NFE2L1: variants seen among roughly 807,000 people sequenced by gnomAD.
NFE2L1 encodes the protein endoplasmic reticulum membrane sensor NFE2L1.
A neutral mutation model predicts 61.6 loss-of-function variants in NFE2L1; 18 were observed. That is an observed-to-expected ratio of 0.29 (90% confidence interval 0.20 to 0.43). The LOEUF (loss-of-function observed/expected upper bound fraction) is 0.43. NFE2L1 is among the 20% of genes least tolerant of loss of function. The probability of loss-of-function intolerance (pLI) is 1.00; values close to 1 mark genes in which losing one functional copy is unlikely to be tolerated. For missense variants in NFE2L1, 827 were observed against 973.5 expected, an observed-to-expected ratio of 0.85 and a Z score of 2.00; for synonymous variants, 419 against 402.7, an observed-to-expected ratio of 1.04 and a Z score of -0.48.
At position 48,051,355 on chromosome 17, in the gene NFE2L1, T is replaced by C; in HGVS notation, c.237T>C (p.Thr79=). The C allele has an allele frequency of 6.2e-7, 1 of 1,614,108 alleles. No homozygotes were observed. Residue 79 remains threonine, a synonymous_variant, in exon 2 of 6, where the codon ACT becomes ACC. Transcript: ENST00000362042. The part of the protein sequence containing the change: ...PKSIDLDNYF[T]ARRLLSQVRA... ...GCATAGACCTGGACAATTACTTCAC[T>C]GCCCGGCGGCTCCTCAGTCAGGTGA... is the stretch of plus-strand genomic sequence containing the variant.
In NFE2L1 at chr17:48,057,430, T is replaced by C. The variant is rs2037431475; in HGVS notation, c.900T>C (p.Leu300=). 2.5e-6 allele frequency: 4 copies of C among 1,614,100 alleles called. No individual in the cohort carries two copies. Among genetic ancestry groups the C allele is most frequent in the Non-Finnish European group, 3.4e-6 (4 of 1,180,046 alleles). The part of the protein sequence containing the change: ...PALQNNLLSP[L]LTGTESPFDL... ...TTCAAAACAACCTCTTGTCTCCTCT[T>C]CTGACCGGGACAGAGTCACCATTTG... The change falls in exon 5 of 6, where the codon CTT becomes CTC. Residue 300 remains leucine, a synonymous_variant. Transcript: ENST00000362042.
intron 2 of NFE2L1, chr17:48,056,170 G>T: frequency 1.6e-6 from 1 of 634,550 alleles, no homozygotes; most frequent in Non-Finnish European, 2.8e-6. Context: ...GGTTTTGCTA[G>T]TGGCTCTTTT....
In NFE2L1 at chr17:48,058,923, A is replaced by G; in HGVS notation, c.1601A>G (p.Asp534Gly). The change falls in exon 6 of 6, where the codon GAT becomes GGT. Residue 534 changes from aspartate (D) to glycine (G), a missense_variant. Around this residue, in one of 3 missense-constraint regions of NFE2L1, gnomAD observed 667 missense variants for 748.4 expected, o/e 0.89. Coordinates refer to ENST00000362042, the MANE Select transcript of NFE2L1 (RefSeq NM_003204.3). ...VGYSSDSETLDLEEAEGAVGY... is the reference protein window; with the variant it reads ...VGYSSDSETLGLEEAEGAVGY... ...TACAGCTCTGACTCTGAGACCCTGG[A>G]TCTGGAAGAGGCCGAGGGTGCTGTG... 1 of 1,613,902 alleles carries G rather than the reference A, an allele frequency of 6.2e-7. No individual in the cohort carries two copies. Among genetic ancestry groups the G allele is most frequent in the Non-Finnish European group, 8.5e-7 (1 of 1,180,022 alleles).
At chr17:48,056,321 T>C in intron 2 of NFE2L1, 65 bp from the exon 3 acceptor site, 1 of 1,595,512 alleles carries the variant, frequency 6.3e-7, no homozygotes, top group South Asian at 1.1e-5. Context: ...GAGGGAACTC[T>C]GAGGGGCAGG....
chr17:48,057,756 C>T (rs2037440019), intron 5 of NFE2L1, among the ~76,000 whole-genome samples: 1 of 152,204 alleles, frequency 6.6e-6, no homozygotes, highest in Non-Finnish European at 1.5e-5. Context: ...GTGCCTTCTT[C>T]CTTTCCTTCA....
Position 48,057,103 on chromosome 17 carries a change from C to G in NFE2L1, c.795C>G (p.Pro265=), listed in dbSNP as rs771426208. 1.9e-6 allele frequency: 3 copies of G among 1,613,514 alleles called. No individual in the cohort carries two copies. The Admixed American group carries it at 5.0e-5, about 27-fold the overall frequency. The change falls in exon 4 of 6, where the codon CCC becomes CCG. Residue 265 remains proline, a synonymous_variant. Coordinates refer to ENST00000362042, the MANE Select transcript of NFE2L1 (RefSeq NM_003204.3). ...ECLRLLEATC[P]FGENAEFPAD... ...TTAGGCTGCTGGAAGCCACCTGCCC[C>G]TTTGGGGAGAATGCTGAGGTGAGCA...
chr17:48,058,158 TGA>T, intron 5 of NFE2L1, 135 bp from the exon 6 acceptor site: 1 of 1,264,642 alleles, frequency 7.9e-7, no homozygotes, highest in South Asian at 1.8e-5. Context: ...GGTCAGGAGC[TGA>T]CACTGTGGGC....
rs551518353 is a variant in NFE2L1, at chr17:48,050,299, T to C, written c.-512-308T>C. On this transcript the variant is annotated intron_variant, in intron 1 of 5. Transcript: ENST00000362042. ...CTTGAGACCAGCCTGGCCAACATAGTGAAACCCCATCTCTACTAAAAATAC... is the reference window on the plus strand; with the variant it reads ...CTTGAGACCAGCCTGGCCAACATAGCGAAACCCCATCTCTACTAAAAATAC... Among the ~76,000 whole-genome samples, 828 of 152,236 alleles carry C rather than the reference T, an allele frequency of 5.4e-3. 2 individuals carry two copies. Among genetic ancestry groups the C allele is most frequent in the African/African-American group, 0.018 (763 of 41,534 alleles).
chr17:48,055,298 A>T, intron 2 of NFE2L1: 1 of 978,908 alleles, frequency 1.0e-6, no homozygotes, highest in East Asian at 3.3e-5. Flanking sequence ...CTGCATTTTA[A>T]CCCCTGGATG....
intron 2 of NFE2L1, 101 bp from the exon 3 acceptor site, chr17:48,056,285 C>T: frequency 7.1e-7 from 1 of 1,413,556 alleles, no homozygotes; most frequent in Non-Finnish European, 9.9e-7. Flanking sequence ...AGGGGCCCCA[C>T]CCAGGACTAA....
chr17:48,052,417 G>T (rs1418585510), intron 2 of NFE2L1, among the ~76,000 whole-genome samples: 3 of 152,094 alleles, frequency 2.0e-5, no homozygotes, highest in South Asian at 2.1e-4. Context: ...TATGGCTCTC[G>T]CTTGCCATCC....
chr17:48,056,883 T>C (rs930856886), intron 3 of NFE2L1, 149 bp from the exon 4 acceptor site: 3 of 795,492 alleles, frequency 3.8e-6, no homozygotes, highest in Admixed American at 2.5e-5. Context: ...CACTCTCTTC[T>C]GTTGTTTCTG....
At chr17:48,057,308 C>A (rs1418755371) in intron 4 of NFE2L1, 36 bp from the exon 5 acceptor site, 2 of 1,604,194 alleles carry the variant, frequency 1.2e-6, no homozygotes, top group Non-Finnish European at 1.7e-6. Context: ...AAGGTTTTTC[C>A]TTCCCCCTTG....
chr17:48,054,591 A>C (rs1598285186), intron 2 of NFE2L1: 1 of 642,242 alleles, frequency 1.6e-6, no homozygotes, highest in East Asian at 4.4e-5. Flanking sequence ...CTCAGCAGTG[A>C]CCTGCGGGGT....
chr17:48,059,215 C>T lies in NFE2L1; in HGVS notation c.1893C>T (p.Ile631=). 2 of 1,614,154 alleles carry T rather than the reference C, an allele frequency of 1.2e-6. No homozygotes were observed. Among genetic ancestry groups the T allele is most frequent in the Non-Finnish European group, 1.7e-6 (2 of 1,180,040 alleles). ...TCCCTTTCACCAATGACAAAATCAT[C>T]AACCTGCCTGTGGAGGAGTTCAATG... ...MKIPFTNDKI[I]NLPVEEFNEL... The change falls in exon 6 of 6, where the codon ATC becomes ATT. Residue 631 remains isoleucine (I), a synonymous_variant. Coordinates refer to ENST00000362042, the MANE Select transcript of NFE2L1 (RefSeq NM_003204.3). This position sits in a 1 kb window ranked among gnomAD's most constrained non-coding sequence, Gnocchi z 6.1.
chr17:48,057,460 G>C lies in NFE2L1; in HGVS notation c.930G>C (p.Leu310Phe). ...LLTGTESPFD[L>F]EQQWQDLMSI... is the part of the protein sequence containing the mutation. ...CCGGGACAGAGTCACCATTTGATTT[G>C]GAACAGCAGTGGCAAGATCTCATGT... The change falls in exon 5 of 6, where the codon TTG becomes TTC. Residue 310 changes from leucine to phenylalanine, a missense_variant. Leu to Phe is a conservative substitution (Grantham distance 22). This residue lies in a region of NFE2L1 where 667 missense variants were observed against 748.4 expected (regional missense o/e 0.89). Coordinates refer to ENST00000362042, the MANE Select transcript of NFE2L1 (RefSeq NM_003204.3). 6.2e-7 allele frequency: 1 copy of C among 1,614,154 alleles called. No homozygotes were observed. Among genetic ancestry groups the C allele is most frequent in the Middle Eastern group, 1.7e-4 (1 of 6,060 alleles).
In NFE2L1 at chr17:48,057,021, T is replaced by G; in HGVS notation, c.724-11T>G. The G allele has an allele frequency of 2.5e-6, 4 of 1,613,944 alleles. No homozygotes were observed. The highest frequency in any genetic ancestry group is 3.4e-6 in the Non-Finnish European group (4 of 1,179,892). ...CCAGGTCAATCAGACTTACAGTTCC[T>G]GTTGCCACAGGTGCCTAGTGGGGAG... On this transcript the variant is annotated splice_polypyrimidine_tract_variant and intron_variant, in intron 3 of 5. Transcript: ENST00000362042.
At chr17:48,055,363 G>C (rs2037373664) in intron 2 of NFE2L1, among the ~76,000 whole-genome samples, 1 of 152,136 alleles carries the variant, frequency 6.6e-6, no homozygotes, top group Non-Finnish European at 1.5e-5. Context: ...GACTACAGGG[G>C]GGTGCCATGT....
intron 4 of NFE2L1, 110 bp downstream of exon 4, chr17:48,057,231 T>C: frequency 3.1e-6 from 5 of 1,587,700 alleles, no homozygotes; most frequent in Non-Finnish European, 4.3e-6. Flanking sequence ...TTCTGGCTGC[T>C]GGGGGTAAAT....
Sources: allele counts gnomAD v4.1 joint callset (sites outside exome capture counted in the v4.1 genomes callset), GRCh38; gene constraint gnomAD v4.1.1; regional missense constraint gnomAD v4.1.1; non-coding constraint Gnocchi (gnomAD v3.1); transcripts MANE v1.5; gene names NCBI Gene and HGNC (gene_info 2026-07-23, HGNC 2026-07-21).